The following PLEKHM3 variants were observed in gnomAD, a reference collection of about 807,000 sequenced individuals.
PLEKHM3 encodes the protein pleckstrin homology domain-containing family M member 3.
In PLEKHM3, 45 loss-of-function variants were observed where a neutral mutation model predicts 81.8. That is an observed-to-expected ratio of 0.55 (90% CI 0.43 to 0.71). The LOEUF (loss-of-function observed/expected upper bound fraction) is 0.71, where lower values mean the gene tolerates loss of function less well. Among genes scored for constraint, PLEKHM3 ranks in the 30% least tolerant of loss-of-function variants. The pLI, the probability that PLEKHM3 is intolerant of heterozygous loss-of-function variation, is 0.00. For synonymous variants in PLEKHM3, 352 were observed against 356.4 expected (o/e 0.99, Z 0.14); for missense variants, 788 against 924.3 (o/e 0.85, Z 1.91).
Position 207,828,434 on chromosome 2 carries a change from C to G in PLEKHM3, c.2171G>C (p.Arg724Thr), listed in dbSNP as rs2092265308. ...ECKEKSVPCP[R>T]CVRRELQKKQ... ...CTTCTGCAGCTCTCGGCGAACACAC[C>G]TCGGGCAGGGGACAGACTTTTCTTT... The change falls in exon 8 of 8, where the codon AGG becomes ACG. Residue 724 changes from arginine (R) to threonine (T), a missense_variant. By Grantham distance (71) the Arg-to-Thr change is moderately conservative. Coordinates refer to ENST00000427836, the MANE Select transcript of PLEKHM3 (RefSeq NM_001080475.3). 6.2e-7 allele frequency: 1 copy of G among 1,614,118 alleles called. No individual in the cohort carries two copies. Among genetic ancestry groups the G allele is most frequent in the Non-Finnish European group, 8.5e-7 (1 of 1,180,032 alleles).
chr2:208,000,988 G>GAA (rs77301165), intron 2 of PLEKHM3, 42 bp downstream of exon 2: 1,110 of 1,128,614 alleles, frequency 9.8e-4, no homozygotes, highest in Non-Finnish European at 1.1e-3. Context: ...GCCCCAAAAA[G>GAA]AAAAAAAAAA....
At chr2:207,904,607 G>A (rs1200710627) in intron 6 of PLEKHM3, among the ~76,000 whole-genome samples, 1 of 152,192 alleles carries the variant, frequency 6.6e-6, no homozygotes, top group Non-Finnish European at 1.5e-5. Flanking sequence ...AGTGAACAGT[G>A]AGCAGGAGAC....
chr2:207,915,438 T>C (rs1688955463), intron 5 of PLEKHM3, among the ~76,000 whole-genome samples: 1 of 152,076 alleles, frequency 6.6e-6, no homozygotes, highest in African/African-American at 2.4e-5. Flanking sequence ...TCAACTCAGC[T>C]CCCACCAAGC....
At chr2:207,876,449 C>T (rs2092560431) in intron 6 of PLEKHM3, among the ~76,000 whole-genome samples, 1 of 152,084 alleles carries the variant, frequency 6.6e-6, no homozygotes, top group African/African-American at 2.4e-5. Flanking sequence ...TTTATTTTCA[C>T]AAAAGTTCTT....
intron 6 of PLEKHM3, among the ~76,000 whole-genome samples, chr2:207,870,341 A>G (rs2092526468): frequency 6.6e-6 from 1 of 152,190 alleles, no homozygotes; most frequent in East Asian, 1.9e-4. Context: ...TCCATTTCAA[A>G]ACAAGCTTCC....
At chr2:207,947,404 T>C (rs1690170932) in intron 3 of PLEKHM3, among the ~76,000 whole-genome samples, 1 of 152,216 alleles carries the variant, frequency 6.6e-6, no homozygotes, top group African/African-American at 2.4e-5. Flanking sequence ...AACCTGGTAA[T>C]AATCATAGCC....
intron 1 of PLEKHM3, among the ~76,000 whole-genome samples, chr2:208,019,960 GT>G (rs773133380): frequency 5.3e-5 from 8 of 152,228 alleles, no homozygotes; most frequent in Non-Finnish European, 1.2e-4. Flanking sequence ...GCAGGTAAAA[GT>G]GGATCAAGAG....
chr2:207,912,524 G>A (rs887293473), intron 5 of PLEKHM3, among the ~76,000 whole-genome samples: 1 of 152,184 alleles, frequency 6.6e-6, no homozygotes, highest in Non-Finnish European at 1.5e-5. Flanking sequence ...TGGAGAAGAT[G>A]TTGTGTCCAA....
intron 6 of PLEKHM3, among the ~76,000 whole-genome samples, chr2:207,867,641 C>T (rs985632073): frequency 6.6e-6 from 1 of 152,102 alleles, no homozygotes; most frequent in East Asian, 1.9e-4. Flanking sequence ...GACACACACA[C>T]ACACAAAATT....
Position 207,821,487 on chromosome 2 carries a change from G to A in PLEKHM3, c.*6832C>T, listed in dbSNP as rs2092216742. The stretch of plus-strand genomic sequence containing the variant: ...TAGATAAGTTATGCCAAAACAAAAG[G>A]TAAAATCCAAAAAACAGAAAGAACA... On this transcript the variant is annotated 3_prime_UTR_variant, in exon 8 of 8. Transcript: ENST00000427836. 1 of 151,882 alleles carries A rather than the reference G, an allele frequency of 6.6e-6. No homozygotes were observed. Among genetic ancestry groups the A allele is most frequent in the South Asian group, 2.1e-4 (1 of 4,810 alleles). 9.4% of individuals were successfully genotyped at this position (151,882 alleles called of 1,614,324 possible).
intron 6 of PLEKHM3, among the ~76,000 whole-genome samples, chr2:207,868,199 C>T (rs2092512616): frequency 6.6e-6 from 1 of 152,176 alleles, no homozygotes; most frequent in Non-Finnish European, 1.5e-5. Flanking sequence ...TCTACTATCA[C>T]TGAGATCAAG....
At chr2:207,835,134 G>A (rs1318638426) in intron 7 of PLEKHM3, among the ~76,000 whole-genome samples, 3 of 151,696 alleles carry the variant, frequency 2.0e-5, no homozygotes, top group Non-Finnish European at 2.9e-5. Flanking sequence ...TAGTAGAGAC[G>A]GGGTTTCACC....
intron 5 of PLEKHM3, among the ~76,000 whole-genome samples, chr2:207,928,492 A>G (rs192855963): frequency 3.9e-4 from 60 of 152,396 alleles, no homozygotes; most frequent in African/African-American, 1.3e-3. Context: ...ATTAATAACA[A>G]TAATAGTATT....
intron 6 of PLEKHM3, among the ~76,000 whole-genome samples, chr2:207,893,823 AC>A: frequency 6.6e-6 from 1 of 152,090 alleles, no homozygotes. Flanking sequence ...CAAAACAAAA[AC>A]AAAAAGCAAG....
At chr2:207,854,211 T>A (rs551433664) in intron 7 of PLEKHM3, among the ~76,000 whole-genome samples, 4 of 152,342 alleles carry the variant, frequency 2.6e-5, no homozygotes, top group African/African-American at 9.6e-5. Flanking sequence ...GGTAACAAAT[T>A]CACTAAATAC....
Position 207,857,574 on chromosome 2 carries a change from C to T in PLEKHM3, c.2108+3531G>A, listed in dbSNP as rs74396532. Among the ~76,000 whole-genome samples the T allele has an allele frequency of 2.9e-3, 442 of 152,216 alleles. 3 individuals carry two copies. The highest frequency in any genetic ancestry group is 0.01 in the African/African-American group (420 of 41,544). On this transcript the variant is annotated intron_variant, in intron 7 of 7. Transcript: ENST00000427836. Reference sequence around the variant, plus strand: ...TAGGTCTATTCATATTTCTACTTCTCGTTGAGTCAGTTTTGGTAATTTGTC... The same window carrying T: ...TAGGTCTATTCATATTTCTACTTCTTGTTGAGTCAGTTTTGGTAATTTGTC...
At chr2:208,016,668 A>ATACACACAC (rs11436592) in intron 1 of PLEKHM3, among the ~76,000 whole-genome samples, 22 of 61,564 alleles carry the variant, frequency 3.6e-4, no homozygotes, top group Admixed American at 8.7e-4. Context: ...AAAAAAAAAA[A>ATACACACAC]ATACACACAC....
intron 7 of PLEKHM3, among the ~76,000 whole-genome samples, chr2:207,830,972 T>C (rs142966221): frequency 5.9e-5 from 9 of 152,346 alleles, no homozygotes; most frequent in Non-Finnish European, 5.9e-5. Context: ...TCACGTCGCC[T>C]TTCTGAGCTT....
chr2:207,923,077 G>A (rs147947396), intron 5 of PLEKHM3, among the ~76,000 whole-genome samples: 289 of 152,272 alleles, frequency 1.9e-3, no homozygotes, highest in Middle Eastern at 6.8e-3. Flanking sequence ...ATTCTGGCTC[G>A]TGGTGTGGTC....
Sources: allele counts gnomAD v4.1 joint callset (sites outside exome capture counted in the v4.1 genomes callset), GRCh38; gene constraint gnomAD v4.1.1; transcripts MANE v1.5; gene names NCBI Gene and HGNC (gene_info 2026-07-23, HGNC 2026-07-21).